UGT1A7: variants seen among roughly 807,000 people sequenced by gnomAD.
The protein encoded by UGT1A7 is UDP-glucuronosyltransferase 1A7.
A neutral mutation model predicts 45.6 loss-of-function variants in UGT1A7; 33 were observed. That is an observed-to-expected ratio of 0.72 (90% CI 0.55 to 0.97). The LOEUF (loss-of-function observed/expected upper bound fraction) is 0.97, where lower values mean the gene tolerates loss of function less well. Ranked by LOEUF, UGT1A7 falls within the 50% of genes least tolerant of loss-of-function variation. UGT1A7 has a pLI of 0.00. For synonymous variants in UGT1A7, 274 were observed against 250.6 expected (o/e 1.09, Z -0.88); for missense variants, 684 against 666.2 (o/e 1.03, Z -0.29).
intron 1 of UGT1A7, among the ~76,000 whole-genome samples, chr2:233,750,424 A>T (rs1378744629): frequency 2.6e-5 from 4 of 151,872 alleles, no homozygotes; most frequent in Non-Finnish European, 5.9e-5. Context: ...GAAAAGAAAA[A>T]CCCATTTTAT....
chr2:233,713,894 G>A (rs1009704522), intron 1 of UGT1A7: 26 of 1,613,234 alleles, frequency 1.6e-5, no homozygotes, highest in Non-Finnish European at 2.2e-5. Context: ...CAATGTTCCA[G>A]GCAAAACACT....
At chr2:233,695,420 G>A (rs1281215044) in intron 1 of UGT1A7, among the ~76,000 whole-genome samples, 2 of 138,292 alleles carry the variant, frequency 1.4e-5, no homozygotes, top group African/African-American at 2.6e-5. Context: ...TACCGCGCCC[G>A]GCCTTCTTCT....
chr2:233,758,620 A>G (rs2125966627), intron 1 of UGT1A7, among the ~76,000 whole-genome samples: 1 of 152,334 alleles, frequency 6.6e-6, no homozygotes, highest in South Asian at 2.1e-4. Context: ...ATGTGCATGC[A>G]AAGTACCTAC....
intron 1 of UGT1A7, chr2:233,744,012 G>C (rs541267003): frequency 9.2e-7 from 1 of 1,089,588 alleles, no homozygotes. Flanking sequence ...GACCTGGGCC[G>C]CCTGGAGAGA....
chr2:233,743,699 G>A (rs780880081), intron 1 of UGT1A7: 5 of 1,367,152 alleles, frequency 3.7e-6, no homozygotes, highest in African/African-American at 3.0e-5. Context: ...GCCGCCCTCC[G>A]CCCCCGCCTC....
intron 1 of UGT1A7, chr2:233,754,506 C>A: frequency 2.8e-6 from 1 of 356,440 alleles, no homozygotes; most frequent in South Asian, 2.1e-5. Flanking sequence ...GTCCGCTATT[C>A]CTCCAGATGT....
intron 1 of UGT1A7, among the ~76,000 whole-genome samples, chr2:233,686,913 G>C (rs2074811848): frequency 6.6e-6 from 1 of 152,180 alleles, no homozygotes; most frequent in South Asian, 2.1e-4. Flanking sequence ...CAACAAGAAA[G>C]GGCATCCCAC....
At chr2:233,731,885 AT>A (rs2078216460) in intron 1 of UGT1A7, among the ~76,000 whole-genome samples, 2 of 152,268 alleles carry the variant, frequency 1.3e-5, no homozygotes, top group South Asian at 2.1e-4. Context: ...GGTTGAACTA[AT>A]TTACACTCCC....
At chr2:233,690,801 C>T (rs1206696679) in intron 1 of UGT1A7, 10 of 1,103,586 alleles carry the variant, frequency 9.1e-6, no homozygotes, top group Non-Finnish European at 1.1e-5. Flanking sequence ...ACACACACAC[C>T]ATTCTTAGTA....
chr2:233,743,991 G>C (rs368834284), intron 1 of UGT1A7: 29 of 1,251,932 alleles, frequency 2.3e-5, no homozygotes, highest in African/African-American at 7.8e-5. Context: ...GCGCAGGCCC[G>C]AGTGCTCGGA....
chr2:233,686,700 C>T (rs1293372575), intron 1 of UGT1A7, among the ~76,000 whole-genome samples: 1 of 152,166 alleles, frequency 6.6e-6, no homozygotes, highest in Admixed American at 6.5e-5. Flanking sequence ...GCCCTCTGGC[C>T]TGCACCCTCC....
chr2:233,755,220 T>A, intron 1 of UGT1A7: 1 of 1,009,650 alleles, frequency 9.9e-7, no homozygotes, highest in South Asian at 1.3e-5. Context: ...CTTGATACCC[T>A]CGGACGAGGC....
At chr2:233,765,711 T>TTAATAATAATAA (rs10664358) in intron 1 of UGT1A7, among the ~76,000 whole-genome samples, 10 of 149,240 alleles carry the variant, frequency 6.7e-5, no homozygotes, top group East Asian at 2.0e-4. Flanking sequence ...ATAATAATAA[T>TTAATAATAATAA]TAATAATAAT....
At chr2:233,754,037 T>C (rs1376554387) in intron 1 of UGT1A7, among the ~76,000 whole-genome samples, 1 of 152,244 alleles carries the variant, frequency 6.6e-6, no homozygotes, top group Non-Finnish European at 1.5e-5. Context: ...ATGCATCCAC[T>C]TTGCCAGGTT....
chr2:233,685,081 A>T (rs2074721609), intron 1 of UGT1A7, among the ~76,000 whole-genome samples: 1 of 152,106 alleles, frequency 6.6e-6, no homozygotes, highest in African/African-American at 2.4e-5. Context: ...TTTTTTTCTG[A>T]AAGGTTTCCT....
chr2:233,683,277 A>G (rs1244231884), intron 1 of UGT1A7, among the ~76,000 whole-genome samples: 1 of 152,152 alleles, frequency 6.6e-6, no homozygotes, highest in Non-Finnish European at 1.5e-5. Context: ...TCTTGTCAAT[A>G]AGTTAAAGAT....
chr2:233,713,977 C>T, intron 1 of UGT1A7: 3 of 1,595,304 alleles, frequency 1.9e-6, no homozygotes, highest in East Asian at 2.2e-5. Context: ...TTCTGCTTCT[C>T]ATTGTTGTAA....
chr2:233,761,181 G>T (rs539737168), intron 1 of UGT1A7: 1 of 1,614,126 alleles, frequency 6.2e-7, no homozygotes, highest in Non-Finnish European at 8.5e-7. Flanking sequence ...TTTTACATGC[G>T]TATATTCTTT....
intron 1 of UGT1A7, among the ~76,000 whole-genome samples, chr2:233,748,275 A>G (rs147171654): frequency 6.6e-6 from 1 of 151,830 alleles, no homozygotes; most frequent in Non-Finnish European, 1.5e-5. Context: ...CAATGAGAGG[A>G]AGAAGAGGCA....
Sources: gnomAD v4.1 joint callset for allele counts (sites outside exome capture counted in the v4.1 genomes callset) on GRCh38, gnomAD v4.1.1 for gene constraint, MANE v1.5 for transcripts, NCBI Gene and HGNC (gene_info 2026-07-23, HGNC 2026-07-21) for gene names.